Variants in P3H2 observed in about 807,000 individuals in gnomAD.
The protein encoded by P3H2 is prolyl 3-hydroxylase 2, also known as leprecan-like 1.
In P3H2, 80 loss-of-function variants were observed where a neutral mutation model predicts 87.0. That is an observed-to-expected ratio of 0.92 (90% CI 0.77 to 1.11). The LOEUF (loss-of-function observed/expected upper bound fraction) is 1.11. Ranked by LOEUF, P3H2 falls within the 50% of genes least tolerant of loss-of-function variation. P3H2 has a pLI of 0.00. For missense variants in P3H2, 1,001 were observed against 923.9 expected, an observed-to-expected ratio of 1.08 and a Z score of -1.08; for synonymous variants, 367 against 359.3, an observed-to-expected ratio of 1.02 and a Z score of -0.24.
At chr3:189,992,024 G>C (rs1723893664) in intron 3 of P3H2, among the ~76,000 whole-genome samples, 1 of 152,158 alleles carries the variant, frequency 6.6e-6, no homozygotes, top group South Asian at 2.1e-4. Flanking sequence ...ATGGGAATAG[G>C]AATTAAGGAA....
intron 1 of P3H2, among the ~76,000 whole-genome samples, chr3:190,108,841 C>T (rs1051636206): frequency 6.6e-6 from 1 of 151,976 alleles, no homozygotes; most frequent in Admixed American, 6.6e-5. Flanking sequence ...AGATCTTTCT[C>T]GTTTGTTTTT....
Position 190,120,500 on chromosome 3 carries a change from G to C in P3H2, c.232C>G (p.Arg78Gly), listed in dbSNP as rs1712518699. The C allele has an allele frequency of 1.4e-6, 2 of 1,463,036 alleles. No individual in the cohort carries two copies. Among genetic ancestry groups the C allele is most frequent in the Non-Finnish European group, 1.8e-6 (2 of 1,114,274 alleles). 90.6% of individuals were successfully genotyped at this position (1,463,036 alleles called of 1,614,324 possible). ...EAALRSHRRLREIRTRCARHC... is the reference protein window; with the variant it reads ...EAALRSHRRLGEIRTRCARHC... The stretch of plus-strand genomic sequence containing the variant: ...CGGGCACAGCGCGTGCGGATTTCCC[G>C]CAGGCGCCGGTGGCTGCGCAGCGCC... The change falls in exon 1 of 15, where the codon CGG becomes GGG. Residue 78 changes from arginine (R) to glycine (G), a missense_variant. Physicochemically the swap from Arg to Gly is moderately radical, Grantham distance 125 (BLOSUM62 -2). Transcript: ENST00000319332.
At chr3:189,999,022 G>A (rs996609755) in intron 1 of P3H2, among the ~76,000 whole-genome samples, 6 of 152,180 alleles carry the variant, frequency 3.9e-5, no homozygotes, top group Admixed American at 6.5e-5. Flanking sequence ...GTGCAGCCCC[G>A]CTCCTAACAG....
Position 190,011,293 on chromosome 3 carries a change from G to A in P3H2, c.481-15851C>T, listed in dbSNP as rs575265436. ...TCTCCAAAAAAAAAAAAAAAATAGAGTTTCATGCAAAAATGAAAATGTCTG... is the reference window on the plus strand; with the variant it reads ...TCTCCAAAAAAAAAAAAAAAATAGAATTTCATGCAAAAATGAAAATGTCTG... On this transcript the variant is annotated intron_variant, in intron 1 of 14. Transcript: ENST00000319332. Among the ~76,000 whole-genome samples the A allele has an allele frequency of 3.3e-4, 49 of 150,124 alleles. 1 individual carries two copies. The highest frequency in any genetic ancestry group is 1.0e-3 in the African/African-American group (41 of 41,050).
chr3:189,987,476 T>C lies in P3H2; in HGVS notation c.1098+51A>G, dbSNP rs368499794. The C allele has an allele frequency of 6.9e-4, 1,025 of 1,487,856 alleles. 5 individuals are homozygous for C. The African/African-American group carries it at 0.014, about 20-fold the overall frequency. 92.2% of individuals were successfully genotyped at this position (1,487,856 alleles called of 1,614,324 possible). ...CCTGGGCAACAAGAGCGAAACTCTG[T>C]CTTAAAAAAAAAAAAAAAAAAAGAA... On this transcript the variant is annotated intron_variant, in intron 5 of 14. Transcript: ENST00000319332.
At position 190,022,664 on chromosome 3, in the gene P3H2, G is replaced by T. The variant is rs974929067; in HGVS notation, c.481-27222C>A. ...AAACCCCAAATGCCTTCAGAGGCGA[G>T]GCAGATAATATCAATAATGAAGTGG... On this transcript the variant is annotated intron_variant, in intron 1 of 14. Coordinates refer to ENST00000319332, the MANE Select transcript of P3H2 (RefSeq NM_018192.4). Among the ~76,000 whole-genome samples, 12 of 79,932 alleles carry T rather than the reference G, an allele frequency of 1.5e-4. 1 individual carries two copies. The highest frequency in any genetic ancestry group is 3.9e-4 in the African/African-American group (11 of 28,222). 52.4% of individuals were successfully genotyped at this position (79,932 alleles called of 152,430 possible). A position where few individuals can be genotyped will look rare whatever the true frequency, so the allele number is the denominator to read the frequency against.
At chr3:190,089,223 G>T (rs1285017233) in intron 1 of P3H2, among the ~76,000 whole-genome samples, 1 of 152,048 alleles carries the variant, frequency 6.6e-6, no homozygotes, top group Non-Finnish European at 1.5e-5. Flanking sequence ...CTGTCGTGGG[G>T]CGGGGGAAGC....
chr3:190,069,885 G>A (rs929987609), intron 1 of P3H2, among the ~76,000 whole-genome samples: 1 of 151,886 alleles, frequency 6.6e-6, no homozygotes, highest in Admixed American at 6.6e-5. Flanking sequence ...AATCCAATTA[G>A]CATGGATTGT....
At chr3:190,047,831 G>T (rs1295912336) in intron 1 of P3H2, among the ~76,000 whole-genome samples, 1 of 152,178 alleles carries the variant, frequency 6.6e-6, no homozygotes, top group African/African-American at 2.4e-5. Context: ...TAAAAATACA[G>T]TTAGATAGAA....
chr3:190,056,507 T>C (rs1226558330), intron 1 of P3H2, among the ~76,000 whole-genome samples: 1 of 152,252 alleles, frequency 6.6e-6, no homozygotes, highest in East Asian at 1.9e-4. Context: ...GGGAAACCTT[T>C]AAATATTTTC....
At chr3:189,985,964 A>T (rs1723681925) in intron 6 of P3H2, among the ~76,000 whole-genome samples, 2 of 152,190 alleles carry the variant, frequency 1.3e-5, no homozygotes, top group African/African-American at 4.8e-5. Flanking sequence ...AAAGAATACA[A>T]ATCTCTTTAT....
At chr3:189,968,673 G>A (rs1313678262) in intron 13 of P3H2, among the ~76,000 whole-genome samples, 1 of 152,156 alleles carries the variant, frequency 6.6e-6, no homozygotes, top group Non-Finnish European at 1.5e-5. Context: ...TTGCCACACT[G>A]TCTTCCACAA....
At chr3:190,051,605 T>TAA (rs955279804) in intron 1 of P3H2, among the ~76,000 whole-genome samples, 74 of 152,374 alleles carry the variant, frequency 4.9e-4, no homozygotes, top group African/African-American at 1.6e-3. Flanking sequence ...AAAGGTCTTG[T>TAA]AACTGATCTT....
chr3:189,999,761 C>T (rs893362499), intron 1 of P3H2, among the ~76,000 whole-genome samples: 1 of 152,136 alleles, frequency 6.6e-6, no homozygotes, highest in African/African-American at 2.4e-5. Flanking sequence ...AATAATCTGA[C>T]ATGAAGATGG....
intron 1 of P3H2, among the ~76,000 whole-genome samples, chr3:190,072,032 A>G (rs1577309024): frequency 8.0e-6 from 1 of 125,734 alleles, no homozygotes; most frequent in East Asian, 2.5e-4. Flanking sequence ...CCCCGGCTGG[A>G]GTGCAGTGGC....
intron 4 of P3H2, among the ~76,000 whole-genome samples, 158 bp downstream of exon 4, chr3:189,988,749 C>T (rs1434907237): frequency 6.6e-6 from 1 of 152,164 alleles, no homozygotes; most frequent in East Asian, 1.9e-4. Flanking sequence ...TCCCCTTCTG[C>T]TCTTCTTGTC....
chr3:190,048,082 T>C (rs144450481), intron 1 of P3H2, among the ~76,000 whole-genome samples: 32 of 152,346 alleles, frequency 2.1e-4, no homozygotes, highest in African/African-American at 7.7e-4. Context: ...GACTGTTGAA[T>C]ACAGAAGAGG....
intron 13 of P3H2, among the ~76,000 whole-genome samples, chr3:189,966,414 T>C (rs1469657017): frequency 6.6e-6 from 1 of 152,222 alleles, no homozygotes; most frequent in Non-Finnish European, 1.5e-5. Flanking sequence ...TGAATAACTT[T>C]GGGAAAGTTT....
chr3:190,041,703 T>C (rs1157101758), intron 1 of P3H2, among the ~76,000 whole-genome samples: 2 of 152,238 alleles, frequency 1.3e-5, no homozygotes, highest in African/African-American at 2.4e-5. Flanking sequence ...ATTACTTTTA[T>C]ATGGTTTTTT....
Sources: allele counts gnomAD v4.1 joint callset (sites outside exome capture counted in the v4.1 genomes callset), GRCh38; gene constraint gnomAD v4.1.1; transcripts MANE v1.5; gene names NCBI Gene and HGNC (gene_info 2026-07-23, HGNC 2026-07-21).